Variants in ESPN observed in about 807,000 individuals in gnomAD.
The protein encoded by ESPN is espin.
Under a neutral mutation model 77.7 loss-of-function variants are expected in ESPN, and 68 were observed. The ratio of observed to expected loss-of-function variants is 0.87; its 90% CI spans 0.72 to 1.07. ESPN has a LOEUF of 1.07. Ranked by LOEUF, ESPN falls within the 50% of genes least tolerant of loss-of-function variation. ESPN has a pLI of 0.00. For missense variants in ESPN, 1,060 were observed against 1,239.0 expected (o/e 0.86, Z 2.17); for synonymous variants, 449 against 567.1 (o/e 0.79, Z 2.96).
intron 2 of ESPN, among the ~76,000 whole-genome samples, chr1:6,435,839 A>G (rs1476193601): frequency 3.3e-5 from 5 of 152,262 alleles, no homozygotes; most frequent in African/African-American, 1.2e-4. Context: ...GCTGTGCACC[A>G]GGCACCAGGC....
intron 10 of ESPN, chr1:6,455,766 C>T (rs1644044028): frequency 5.0e-6 from 2 of 398,876 alleles, no homozygotes; most frequent in Admixed American, 8.8e-5. Context: ...GGAGCGCATC[C>T]GCCTCTTCCA....
Position 6,440,449 on chromosome 1 carries a change from C to T in ESPN, c.675+9C>T, listed in dbSNP as rs186770747. On this transcript the variant is annotated intron_variant, in intron 3 of 12. Transcript: ENST00000645284. Reference sequence around the variant, plus strand: ...CAGTCATCGTGTGGTTGGTGAGCTCCGGGCCCGGGCGGGGAGCAGGGGAGG... The same window carrying T: ...CAGTCATCGTGTGGTTGGTGAGCTCTGGGCCCGGGCGGGGAGCAGGGGAGG... The T allele has an allele frequency of 2.7e-3, 4,099 of 1,538,336 alleles. 91 individuals are homozygous for T. The African/African-American group carries it at 0.051, about 19-fold the overall frequency.
rs570884143 is a variant in ESPN, at chr1:6,435,702, C to G, written c.489-4552C>G. 3.0e-4 allele frequency among the ~76,000 whole-genome samples: 45 copies of G among 152,292 alleles called. No individual in the cohort carries two copies. In the South Asian group the frequency reaches 9.1e-3, roughly 31 times the overall value. On this transcript the variant is annotated intron_variant, in intron 2 of 12. Coordinates refer to ENST00000645284, the MANE Select transcript of ESPN (RefSeq NM_031475.3). Reference sequence around the variant, plus strand: ...CATCCTCTCCCCTCTAGGTAGTGTTCCCCACAACAGAAATGGTGCCCAGCC... The same window carrying G: ...CATCCTCTCCCCTCTAGGTAGTGTTGCCCACAACAGAAATGGTGCCCAGCC...
chr1:6,455,514 C>T (rs1195185140), intron 10 of ESPN: 6 of 397,972 alleles, frequency 1.5e-5, no homozygotes, highest in East Asian at 7.1e-5. Context: ...GCTGCTGGGC[C>T]ACTGGCGGAG....
chr1:6,433,302 G>A (rs1229762091), intron 2 of ESPN, among the ~76,000 whole-genome samples: 1 of 151,742 alleles, frequency 6.6e-6, no homozygotes, highest in African/African-American at 2.4e-5. Flanking sequence ...AAATTAGCCG[G>A]GCATGGTGGT....
intron 8 of ESPN, among the ~76,000 whole-genome samples, chr1:6,449,615 G>T (rs1442800688): frequency 6.6e-6 from 1 of 152,224 alleles, no homozygotes; most frequent in African/African-American, 2.4e-5. Context: ...AGTCTTCTTA[G>T]ATATGCCAGG....
At chr1:6,441,472 C>G (rs74049575) in intron 5 of ESPN, among the ~76,000 whole-genome samples, 29,647 of 152,138 alleles carry the variant, frequency 0.19, 3,767 homozygotes, top group African/African-American at 0.35. Context: ...TCACCAGTAA[C>G]TGTTAGAGTG....
rs1226327441 is a variant in ESPN, at chr1:6,460,852, C to G, written c.*706C>G. The G allele has an allele frequency of 2.0e-5, 6 of 299,688 alleles. No homozygotes were observed. Among genetic ancestry groups the G allele is most frequent in the South Asian group, 9.1e-5 (3 of 33,136 alleles). 18.6% of individuals were successfully genotyped at this position (299,688 alleles called of 1,614,324 possible). ...TGAATAGAGGATGAGGGGCCCTGACCCTGTGTCTCCAACTGCTGCACCCCA... is the reference window on the plus strand; with the variant it reads ...TGAATAGAGGATGAGGGGCCCTGACGCTGTGTCTCCAACTGCTGCACCCCA... On this transcript the variant is annotated 3_prime_UTR_variant, in exon 13 of 13. Coordinates refer to ENST00000645284, the MANE Select transcript of ESPN (RefSeq NM_031475.3).
chr1:6,449,289 G>A (rs551271969), intron 8 of ESPN, among the ~76,000 whole-genome samples, 198 bp downstream of exon 8: 1 of 152,340 alleles, frequency 6.6e-6, no homozygotes, highest in African/African-American at 2.4e-5. Flanking sequence ...AAGCACGACC[G>A]GGCTGCACGG....
intron 12 of ESPN, among the ~76,000 whole-genome samples, chr1:6,458,182 C>A (rs1644088660): frequency 6.6e-6 from 1 of 151,830 alleles, no homozygotes; most frequent in African/African-American, 2.4e-5. Flanking sequence ...CCACACCCAG[C>A]TAATTTTGTA....
At chr1:6,440,525 T>TG in intron 3 of ESPN, 85 bp downstream of exon 3, 1 of 182,960 alleles carries the variant, frequency 5.5e-6, no homozygotes, top group Non-Finnish European at 7.1e-6. Context: ...CCATCAGGGG[T>TG]GGGGCGGGGG....
At chr1:6,432,433 C>T (rs1363481702) in intron 2 of ESPN, among the ~76,000 whole-genome samples, 2 of 152,306 alleles carry the variant, frequency 1.3e-5, no homozygotes, top group Middle Eastern at 3.4e-3. Flanking sequence ...CTGTCCTTGA[C>T]CCCCTGACCT....
rs1644131011 is a variant in ESPN, at chr1:6,460,073, G to A, written c.2492G>A (p.Gly831Asp). 6.2e-7 allele frequency: 1 copy of A among 1,613,534 alleles called. No homozygotes were observed. The highest frequency in any genetic ancestry group is 8.5e-7 in the Non-Finnish European group (1 of 1,180,028). Residue 831 changes from glycine (G) to aspartate (D), a missense_variant, in exon 13 of 13, where the codon GGC (glycine) becomes GAC (aspartate). Gly to Asp is a moderately conservative substitution (Grantham distance 94, BLOSUM62 -1). Coordinates refer to ENST00000645284, the MANE Select transcript of ESPN (RefSeq NM_031475.3). The part of the protein sequence containing the change: ...KEQSEKLRTL[G>D]YDESKLAPWQ... ...CAGTCAGAGAAGCTGCGGACGCTGGGCTACGATGAGAGCAAGCTGGCGCCC... is the reference window on the plus strand; with the variant it reads ...CAGTCAGAGAAGCTGCGGACGCTGGACTACGATGAGAGCAAGCTGGCGCCC...
In ESPN at chr1:6,427,660, T is replaced by G. The variant is rs1643089506; in HGVS notation, c.295-566T>G. Among the ~76,000 whole-genome samples, 2 of 152,230 alleles carry G rather than the reference T, an allele frequency of 1.3e-5. No individual in the cohort carries two copies. Among genetic ancestry groups the G allele is most frequent in the African/African-American group, 4.8e-5 (2 of 41,468 alleles). On this transcript the variant is annotated intron_variant, in intron 1 of 12. Transcript: ENST00000645284. The surrounding 1 kb of genome is among the most constrained non-coding windows in gnomAD (Gnocchi z 4.6). ...TCTGCTGGGGGAGGGGCCGGTTTTC[T>G]GCACTGAGGTTGGGTTCCTGGAGGC...
At chr1:6,449,321 A>C (rs1257671197) in intron 8 of ESPN, among the ~76,000 whole-genome samples, 1 of 151,952 alleles carries the variant, frequency 6.6e-6, no homozygotes, top group Non-Finnish European at 1.5e-5. Flanking sequence ...TCCCTTCCCC[A>C]ATCTGGGCCT....
intron 2 of ESPN, among the ~76,000 whole-genome samples, chr1:6,434,155 G>A (rs1169723419): frequency 6.6e-6 from 1 of 152,026 alleles, no homozygotes; most frequent in Non-Finnish European, 1.5e-5. Context: ...CGCCCGCCTC[G>A]GCCTCCCAAA....
rs570107785 is a variant in ESPN at position 6,444,895 on chromosome 1, A to G, written c.1192+213A>G. Among the ~76,000 whole-genome samples the G allele has an allele frequency of 4.6e-5, 7 of 152,316 alleles. No homozygotes were observed. The South Asian group carries it at 1.4e-3, about 32-fold the overall frequency. ...TTATCACAAACATACATGTACATCC[A>G]CATGTACTCTCCCCACCCACAAAGT... is the stretch of plus-strand genomic sequence containing the variant. On this transcript the variant is annotated intron_variant, in intron 6 of 12. Coordinates refer to ENST00000645284, the MANE Select transcript of ESPN (RefSeq NM_031475.3).
In ESPN at chr1:6,428,475, G is replaced by GA; in HGVS notation, c.488+57dup. The GA allele has an allele frequency of 6.8e-7, 1 of 1,473,486 alleles. No homozygotes were observed. Among genetic ancestry groups the GA allele is most frequent in the Non-Finnish European group, 9.3e-7 (1 of 1,079,826 alleles). The allele number at this position is 1,473,486 out of a possible 1,614,324, so 91.3% of individuals were successfully genotyped here. On this transcript the variant is annotated intron_variant, in intron 2 of 12. Coordinates refer to ENST00000645284, the MANE Select transcript of ESPN (RefSeq NM_031475.3). This position sits in a 1 kb window ranked among gnomAD's most constrained non-coding sequence, Gnocchi z 5.4. ...GGTGGGCTGGGCCAGGGCTTTGGGGGATGCCTGGGATTTTCCACGCCTCTC... is the reference window on the plus strand; with the variant it reads ...GGTGGGCTGGGCCAGGGCTTTGGGGGAATGCCTGGGATTTTCCACGCCTCTC...
At position 6,449,087 on chromosome 1, in the gene ESPN, C is replaced by T. The variant is rs1643902796; in HGVS notation, c.1911C>T (p.Thr637=). 8 of 1,484,470 alleles carry T rather than the reference C, an allele frequency of 5.4e-6. No individual in the cohort carries two copies. In the East Asian group the frequency reaches 8.6e-5, roughly 16 times the overall value. The allele number at this position is 1,484,470 out of a possible 1,614,324, so 92.0% of individuals were successfully genotyped here. A position where few individuals can be genotyped will look rare whatever the true frequency, so the allele number is the denominator to read the frequency against. ...GGCAGCGCCGCTCCTCCTCGTCCAC[C>T]GGCAGTGAGTAGGGGCAGGTTGAGG... ...GCGQRRSSSS[T]GSTKSFNMMS... Residue 637 remains threonine, a synonymous_variant, in exon 8 of 13, where the codon ACC becomes ACT. Transcript: ENST00000645284.
Sources: allele counts gnomAD v4.1 joint callset (sites outside exome capture counted in the v4.1 genomes callset), GRCh38; gene constraint gnomAD v4.1.1; non-coding constraint Gnocchi (gnomAD v3.1); transcripts MANE v1.5; gene names NCBI Gene and HGNC (gene_info 2026-07-23, HGNC 2026-07-21).